The following ABCC6 variants were observed in gnomAD, a reference collection of about 807,000 sequenced individuals.
ABCC6 encodes ATP binding cassette subfamily C member 6, also known as ATP-binding cassette sub-family C member 6.
Under a neutral mutation model 169.5 loss-of-function variants are expected in ABCC6, and 126 were observed. The ratio of observed to expected loss-of-function variants is 0.74; its 90% CI spans 0.64 to 0.86. The LOEUF is 0.86. Among genes scored for constraint, ABCC6 ranks in the 40% least tolerant of loss-of-function variants. The pLI is 0.00. For synonymous variants in ABCC6, 752 were observed against 814.7 expected (o/e 0.92, Z 1.31); for missense variants, 1,733 against 1,927.2 (o/e 0.90, Z 1.89).
At chr16:16,171,606 A>G (rs2047072285) in intron 21 of ABCC6, among the ~76,000 whole-genome samples, 1 of 152,076 alleles carries the variant, frequency 6.6e-6, no homozygotes, top group Admixed American at 6.6e-5. Context: ...GGATGAATGG[A>G]TGGAAAGATC....
intron 18 of ABCC6, among the ~76,000 whole-genome samples, chr16:16,178,350 G>A (rs2047355772): frequency 6.6e-6 from 1 of 151,816 alleles, no homozygotes; most frequent in Non-Finnish European, 1.5e-5. Flanking sequence ...AAAGAAAAAA[G>A]TTACACACAT....
At chr16:16,184,891 G>A in intron 15 of ABCC6, 68 bp downstream of exon 15, 1 of 1,508,268 alleles carries the variant, frequency 6.6e-7, no homozygotes, top group Non-Finnish European at 9.2e-7. Flanking sequence ...CAGGTGGGAG[G>A]CAGCAGGAGC....
At chr16:16,178,569 TGTA>T (rs2047364143) in intron 18 of ABCC6, among the ~76,000 whole-genome samples, 1 of 152,046 alleles carries the variant, frequency 6.6e-6, no homozygotes, top group Admixed American at 6.6e-5. Flanking sequence ...AAGGCAAAGC[TGTA>T]GTAGTTAAAT....
intron 7 of ABCC6, among the ~76,000 whole-genome samples, chr16:16,208,204 G>A (rs2048456684): frequency 1.3e-5 from 2 of 152,072 alleles, no homozygotes; most frequent in Non-Finnish European, 2.9e-5. Flanking sequence ...CCGTTTGTAG[G>A]AACCTGTGAT....
At chr16:16,159,354 G>T in intron 26 of ABCC6, 128 bp downstream of exon 26, 1 of 884,028 alleles carries the variant, frequency 1.1e-6, no homozygotes, top group Non-Finnish European at 1.8e-6. Context: ...GACCTATAGT[G>T]GTGGGGGTTG....
intron 10 of ABCC6, among the ~76,000 whole-genome samples, chr16:16,196,801 A>G (rs542671616): frequency 2.0e-5 from 3 of 152,308 alleles, no homozygotes; most frequent in African/African-American, 4.8e-5. Flanking sequence ...TCCAAGGCTC[A>G]AGCGATTCTC....
In ABCC6 at chr16:16,215,438, G is replaced by GGTGTGT. The variant is rs56229208; in HGVS notation, c.475-995_475-990dup. 8.7e-4 allele frequency among the ~76,000 whole-genome samples: 119 copies of GGTGTGT among 136,948 alleles called. 1 individual carries two copies. The highest frequency in any genetic ancestry group is 2.4e-3 in the African/African-American group (86 of 36,240). The allele number at this position is 136,948 out of a possible 152,430, so 89.8% of individuals were successfully genotyped here. On this transcript the variant is annotated intron_variant, in intron 4 of 30. Transcript: ENST00000205557. ...AAGCATTTTTTATTTTTTAATTTTA[G>GGTGTGT]GTGTGTGTGTGTGTGTGTGTGTGTG...
intron 18 of ABCC6, 102 bp downstream of exon 18, chr16:16,178,696 T>C (rs2047368838): frequency 4.4e-6 from 6 of 1,354,680 alleles, no homozygotes; most frequent in Non-Finnish European, 5.3e-6. Flanking sequence ...GAAATTGGAC[T>C]CAAGTGGAAG....
At chr16:16,188,713 C>T (rs2047736938) in intron 13 of ABCC6, 118 bp downstream of exon 13, 2 of 1,391,958 alleles carry the variant, frequency 1.4e-6, no homozygotes, top group African/African-American at 1.4e-5. Context: ...TCCACACCAT[C>T]CCTCTCCCTC....
At chr16:16,191,189 C>T (rs2047842772) in intron 11 of ABCC6, among the ~76,000 whole-genome samples, 2 of 151,920 alleles carry the variant, frequency 1.3e-5, no homozygotes, top group East Asian at 1.9e-4. Flanking sequence ...GGTCTCGGCT[C>T]ACTGTAACCT....
At chr16:16,155,104 C>G (rs906860420) in intron 27 of ABCC6, 73 bp from the exon 28 acceptor site, 1 of 1,501,836 alleles carries the variant, frequency 6.7e-7, no homozygotes, top group Non-Finnish European at 8.9e-7. Flanking sequence ...GATCTTTCTG[C>G]TGTACCCGAG....
At chr16:16,166,792 G>T (rs8056307) in intron 22 of ABCC6, among the ~76,000 whole-genome samples, 107,189 of 152,038 alleles carry the variant, frequency 0.71, 41,238 homozygotes, top group South Asian at 0.9. Context: ...TCAGGAGGCT[G>T]AGTCAGGAGA....
intron 4 of ABCC6, among the ~76,000 whole-genome samples, chr16:16,217,800 C>T (rs1458780226): frequency 6.6e-6 from 1 of 152,216 alleles, no homozygotes; most frequent in Admixed American, 6.5e-5. Flanking sequence ...TTTAAAAACT[C>T]TGTCCTCGGT....
chr16:16,150,561 C>T lies in ABCC6; in HGVS notation c.4403+17G>A, dbSNP rs748804392. The T allele has an allele frequency of 1.1e-5, 18 of 1,603,802 alleles. No individual in the cohort carries two copies. The highest frequency in any genetic ancestry group is 5.5e-5 in the South Asian group (5 of 90,756). ...CTGCAGGGCTGCTGTGAGGTCAGGCCGGGGCGGGAGCCTTACCGGGCACAG... is the reference window on the plus strand; with the variant it reads ...CTGCAGGGCTGCTGTGAGGTCAGGCTGGGGCGGGAGCCTTACCGGGCACAG... On this transcript the variant is annotated intron_variant, in intron 30 of 30. Coordinates refer to ENST00000205557, the MANE Select transcript of ABCC6 (RefSeq NM_001171.6).
At chr16:16,159,696 G>T in intron 25 of ABCC6, 113 bp from the exon 26 acceptor site, 1 of 926,128 alleles carries the variant, frequency 1.1e-6, no homozygotes, top group South Asian at 1.4e-5. Flanking sequence ...GAGTAAAGAG[G>T]GGAGGCAGGA....
In ABCC6 at chr16:16,162,997, C is replaced by G. The variant is rs143854720; in HGVS notation, c.3502G>C (p.Asp1168His). 5 of 1,614,110 alleles carry G rather than the reference C, an allele frequency of 3.1e-6. No individual in the cohort carries two copies. The highest frequency in any genetic ancestry group is 1.6e-4 in the Middle Eastern group (1 of 6,062). Residue 1168 changes from aspartate (D) to histidine (H), a missense_variant, in exon 24 of 31, where the codon GAC becomes CAC. Physicochemically the swap from Asp to His is moderately conservative, Grantham distance 81. Coordinates refer to ENST00000205557, the MANE Select transcript of ABCC6 (RefSeq NM_001171.6). ...QRISFPRLVA[D>H]RWLAANVELL... Reference sequence around the variant, plus strand: ...CTCTGCCCTGGCTCTTCCTACCTGTCAGCCACCAGTCGCGGGAAACTGATC... The same window carrying G: ...CTCTGCCCTGGCTCTTCCTACCTGTGAGCCACCAGTCGCGGGAAACTGATC...
intron 7 of ABCC6, among the ~76,000 whole-genome samples, chr16:16,206,151 T>C (rs1447299223): frequency 1.3e-5 from 2 of 152,206 alleles, no homozygotes; most frequent in African/African-American, 2.4e-5. Context: ...GCAGGCTCCA[T>C]AGCAAGTGTT....
At chr16:16,209,885 C>G (rs1361154324) in intron 6 of ABCC6, among the ~76,000 whole-genome samples, 1 of 152,138 alleles carries the variant, frequency 6.6e-6, no homozygotes, top group African/African-American at 2.4e-5. Flanking sequence ...CGTAAGCCAC[C>G]ACACCTGGCT....
chr16:16,185,969 C>T (rs572668622), intron 14 of ABCC6, among the ~76,000 whole-genome samples: 24 of 152,260 alleles, frequency 1.6e-4, no homozygotes, highest in African/African-American at 2.2e-4. Flanking sequence ...GCTGCTATAA[C>T]GATTAACATG....
Sources: allele counts gnomAD v4.1 joint callset (sites outside exome capture counted in the v4.1 genomes callset), GRCh38; gene constraint gnomAD v4.1.1; transcripts MANE v1.5; gene names NCBI Gene and HGNC (gene_info 2026-07-23, HGNC 2026-07-21).